The following PTPN13 variants were observed in gnomAD, a reference collection of about 807,000 sequenced individuals.
PTPN13 encodes the protein protein tyrosine phosphatase non-receptor type 13.
Under a neutral mutation model 284.0 loss-of-function variants are expected in PTPN13, and 191 were observed. The ratio of observed to expected loss-of-function variants is 0.67; its 90% CI spans 0.60 to 0.76. The LOEUF (loss-of-function observed/expected upper bound fraction) is 0.76, where lower values mean the gene tolerates loss of function less well. Among genes scored for constraint, PTPN13 ranks in the 30% least tolerant of loss-of-function variants. The pLI, the probability that PTPN13 is intolerant of heterozygous loss-of-function variation, is 0.00. For synonymous variants in PTPN13, 986 were observed against 1,022.3 expected, an observed-to-expected ratio of 0.96 and a Z score of 0.68; for missense variants, 2,797 against 2,939.9, an observed-to-expected ratio of 0.95 and a Z score of 1.12.
At position 86,722,432 on chromosome 4, in the gene PTPN13, A is replaced by C; in HGVS notation, c.1606A>C (p.Arg536=). ...LETAMTQRKL[R]NFFGPEFVKM... is the part of the protein sequence containing the mutation. ...AACAGCCATGACTCAAAGAAAACTG[A>C]GGGTAAGTTGATTCTCAGGTTACTA... Residue 536 remains arginine, a splice_region_variant and synonymous_variant, in exon 10 of 48, where the codon AGG becomes CGG. Coordinates refer to ENST00000411767, the MANE Select transcript of PTPN13 (RefSeq NM_080683.3). 1 of 1,609,108 alleles carries C rather than the reference A, an allele frequency of 6.2e-7. No individual in the cohort carries two copies. The highest frequency in any genetic ancestry group is 1.1e-5 in the South Asian group (1 of 90,964).
chr4:86,779,265 A>G (rs1266487491), intron 35 of PTPN13, among the ~76,000 whole-genome samples: 2 of 151,834 alleles, frequency 1.3e-5, no homozygotes, highest in African/African-American at 2.4e-5. Flanking sequence ...AATACAAAAA[A>G]TCTTAGCCGG....
chr4:86,765,343 G>C, intron 25 of PTPN13, 52 bp from the exon 26 acceptor site: 2 of 1,414,482 alleles, frequency 1.4e-6, no homozygotes, highest in East Asian at 2.5e-5. Flanking sequence ...ATTTGAAAGA[G>C]AGTGCAAAAT....
In PTPN13 at chr4:86,595,849, G is replaced by A. The variant is rs184616989; in HGVS notation, c.-6+1060G>A. 41 of 731,036 alleles carry A rather than the reference G, an allele frequency of 5.6e-5. No homozygotes were observed. In the African/African-American group the frequency reaches 7.5e-4, roughly 13 times the overall value. The allele number at this position is 731,036 out of a possible 1,614,324, so 45.3% of individuals were successfully genotyped here. On this transcript the variant is annotated intron_variant, in intron 1 of 47. Coordinates refer to ENST00000411767, the MANE Select transcript of PTPN13 (RefSeq NM_080683.3). Reference sequence around the variant, plus strand: ...TCTAGAAAGTTTACTAAAGGATGGGGGGGGGAGTAAAAGTGCATGTATTAT... The same window carrying A: ...TCTAGAAAGTTTACTAAAGGATGGGAGGGGGAGTAAAAGTGCATGTATTAT...
At chr4:86,689,535 T>C in intron 5 of PTPN13, 1 of 627,516 alleles carries the variant, frequency 1.6e-6, no homozygotes, top group Non-Finnish European at 2.8e-6. Flanking sequence ...TGTATTAACA[T>C]GAAAATGGGT....
chr4:86,734,494 C>T (rs779449922), intron 13 of PTPN13, 38 bp downstream of exon 13: 10 of 1,476,130 alleles, frequency 6.8e-6, no homozygotes, highest in Non-Finnish European at 7.2e-6. Context: ...TCTTTTTGGA[C>T]ACTGGTCTTT....
intron 1 of PTPN13, among the ~76,000 whole-genome samples, chr4:86,595,150 T>C: frequency 6.6e-6 from 1 of 152,156 alleles, no homozygotes; most frequent in African/African-American, 2.4e-5. Context: ...AGCTCCGCTC[T>C]GTGCGTGCTT....
rs1745609809 is a variant in PTPN13 at position 86,814,685 on chromosome 4, ATTC to A, written c.*140_*142del. 8.5e-6 allele frequency: 5 copies of A among 587,376 alleles called. No homozygotes were observed. Among genetic ancestry groups the A allele is most frequent in the East Asian group, 5.9e-5 (2 of 34,158 alleles). 36.4% of individuals were successfully genotyped at this position (587,376 alleles called of 1,614,324 possible). A position where few individuals can be genotyped will look rare whatever the true frequency, so the allele number is the denominator to read the frequency against. The stretch of plus-strand genomic sequence containing the variant: ...ATGTTCTCCTCTATCTTAGAGGGGT[ATTC>A]TTCTTGAAAATAAAAAATATTGAAA... On this transcript the variant is annotated 3_prime_UTR_variant, in exon 48 of 48. Coordinates refer to ENST00000411767, the MANE Select transcript of PTPN13 (RefSeq NM_080683.3).
At chr4:86,732,352 A>G in intron 10 of PTPN13, 48 bp from the exon 11 acceptor site, 1 of 1,392,120 alleles carries the variant, frequency 7.2e-7, no homozygotes, top group Middle Eastern at 1.9e-4. Flanking sequence ...CAAGGAAAAA[A>G]CTAGAATAAA....
intron 2 of PTPN13, among the ~76,000 whole-genome samples, chr4:86,668,819 C>T (rs1727392565): frequency 7.0e-6 from 1 of 142,672 alleles, no homozygotes; most frequent in African/African-American, 2.6e-5. Context: ...GTTGGCCAGG[C>T]TGGTCTTGAA....
chr4:86,661,039 C>T (rs1477027222), intron 2 of PTPN13: 6 of 432,568 alleles, frequency 1.4e-5, no homozygotes, highest in Non-Finnish European at 2.7e-5. Context: ...CAGCATTATT[C>T]TTAATTGTAC....
intron 1 of PTPN13, among the ~76,000 whole-genome samples, chr4:86,613,841 G>C (rs56920198): frequency 0.011 from 1,630 of 152,152 alleles, 38 homozygotes; most frequent in African/African-American, 0.037. Flanking sequence ...ACTACATTCT[G>C]TCTCAGTACC....
At chr4:86,644,152 G>A (rs1724137553) in intron 2 of PTPN13, among the ~76,000 whole-genome samples, 3 of 150,712 alleles carry the variant, frequency 2.0e-5, no homozygotes, top group Admixed American at 2.0e-4. Flanking sequence ...TTTCTTTTCG[G>A]AGACAGAAAT....
At chr4:86,626,833 C>A (rs1225242328) in intron 1 of PTPN13, among the ~76,000 whole-genome samples, 3 of 152,020 alleles carry the variant, frequency 2.0e-5, no homozygotes. Flanking sequence ...TTCCCCCAAC[C>A]CCTACGTTAC....
rs201399598 is a variant in PTPN13, at chr4:86,771,376, T to C, written c.5009T>C (p.Ile1670Thr). 24 of 1,574,696 alleles carry C rather than the reference T, an allele frequency of 1.5e-5. No homozygotes were observed. In the African/African-American group the frequency reaches 2.7e-4, roughly 18 times the overall value. Residue 1670 changes from isoleucine to threonine, a missense_variant, in exon 31 of 48, where the codon ATA (isoleucine) becomes ACA (threonine). Physicochemically the swap from Ile to Thr is moderately conservative, Grantham distance 89. Transcript: ENST00000411767. The stretch of plus-strand genomic sequence containing the variant: ...GACTTAGTGACAGCTCCAGCAAACA[T>C]ATCAAATTCGACCTGGAGTTCAGCT... The part of the protein sequence containing the change: ...EDDLVTAPAN[I>T]SNSTWSSALH...
intron 8 of PTPN13, among the ~76,000 whole-genome samples, 170 bp downstream of exon 8, chr4:86,716,795 G>T (rs1471504284): frequency 6.6e-6 from 1 of 152,134 alleles, no homozygotes; most frequent in African/African-American, 2.4e-5. Flanking sequence ...AAACTAAATA[G>T]CAGTTTCTTC....
chr4:86,804,105 G>C (rs1298429026), intron 43 of PTPN13, among the ~76,000 whole-genome samples: 1 of 148,398 alleles, frequency 6.7e-6, no homozygotes, highest in Non-Finnish European at 1.5e-5. Context: ...CTGCCTCATA[G>C]TTAAGGTAAA....
At position 86,745,103 on chromosome 4, in the gene PTPN13, G is replaced by A. The variant is rs1483613101; in HGVS notation, c.2625G>A (p.Gln875=). ...TCCAGCTACAGATGAGAGCAAGACA[G>A]AGCAACCAAGATGCCCAAGATATTG... is the stretch of plus-strand genomic sequence containing the variant. ...HKFQLQMRAR[Q]SNQDAQDIER... is the part of the protein sequence containing the mutation. Residue 875 remains glutamine, a synonymous_variant, in exon 17 of 48, where the codon CAG becomes CAA. Coordinates refer to ENST00000411767, the MANE Select transcript of PTPN13 (RefSeq NM_080683.3). 5 of 1,610,636 alleles carry A rather than the reference G, an allele frequency of 3.1e-6. No homozygotes were observed. In the African/African-American group the frequency reaches 4.0e-5, roughly 13 times the overall value.
At chr4:86,778,230 G>T (rs1740873469) in intron 35 of PTPN13, among the ~76,000 whole-genome samples, 1 of 152,150 alleles carries the variant, frequency 6.6e-6, no homozygotes, top group Non-Finnish European at 1.5e-5. Context: ...CTTGGTTTAT[G>T]ACTTCCTTCC....
chr4:86,695,571 G>A (rs1171540637), intron 6 of PTPN13, among the ~76,000 whole-genome samples: 2 of 151,922 alleles, frequency 1.3e-5, no homozygotes, highest in African/African-American at 4.8e-5. Context: ...GAGACATAGT[G>A]AACATTTTAA....
Sources: allele counts gnomAD v4.1 joint callset (sites outside exome capture counted in the v4.1 genomes callset), GRCh38; gene constraint gnomAD v4.1.1; transcripts MANE v1.5; gene names NCBI Gene and HGNC (gene_info 2026-07-23, HGNC 2026-07-21).